ST6GALNAC5: variants seen among roughly 807,000 people sequenced by gnomAD.
ST6GALNAC5 encodes ST6 N-acetylgalactosaminide alpha-2,6-sialyltransferase 5.
Under a neutral mutation model 33.6 loss-of-function variants are expected in ST6GALNAC5, and 27 were observed. The observed-to-expected ratio is 0.80, with a 90% CI of 0.59 to 1.11. ST6GALNAC5 has a LOEUF of 1.11. Ranked by LOEUF, ST6GALNAC5 falls within the 50% of genes least tolerant of loss-of-function variation. The pLI is 0.00. For synonymous variants in ST6GALNAC5, 194 were observed against 171.2 expected (o/e 1.13, Z -1.04); for missense variants, 428 against 454.0 (o/e 0.94, Z 0.52).
rs181495043 is a variant in ST6GALNAC5 at position 77,049,405 on chromosome 1, T to A, written c.672-853T>A. Among the ~76,000 whole-genome samples the A allele has an allele frequency of 2.6e-5, 4 of 152,240 alleles. No homozygotes were observed. In the East Asian group the frequency reaches 7.7e-4, roughly 29 times the overall value. On this transcript the variant is annotated intron_variant, in intron 3 of 4. Transcript: ENST00000477717. ...AGTAAAAGCAGCAACCCCCGAAGAA[T>A]TGAAATTAATATCCACAGTAGTGTA...
At chr1:76,982,963 A>G (rs563983175) in intron 2 of ST6GALNAC5, among the ~76,000 whole-genome samples, 1 of 152,144 alleles carries the variant, frequency 6.6e-6, no homozygotes, top group Admixed American at 6.5e-5. Flanking sequence ...GCAAATGCTG[A>G]GAGATTTTGT....
intron 2 of ST6GALNAC5, among the ~76,000 whole-genome samples, chr1:76,964,095 T>A (rs1402964677): frequency 6.6e-6 from 1 of 152,152 alleles, no homozygotes; most frequent in Non-Finnish European, 1.5e-5. Context: ...CTGCCAACAC[T>A]TTGATCTTAG....
At chr1:77,013,279 T>C (rs1650709318) in intron 2 of ST6GALNAC5, among the ~76,000 whole-genome samples, 1 of 152,182 alleles carries the variant, frequency 6.6e-6, no homozygotes, top group Non-Finnish European at 1.5e-5. Context: ...TACTCTGTGA[T>C]TCTATGCACA....
chr1:77,058,711 G>A (rs1419906763), intron 4 of ST6GALNAC5, among the ~76,000 whole-genome samples: 1 of 152,232 alleles, frequency 6.6e-6, no homozygotes, highest in South Asian at 2.1e-4. Context: ...TCTTATAGGG[G>A]TGTTGTGAGG....
intron 2 of ST6GALNAC5, among the ~76,000 whole-genome samples, chr1:76,924,268 T>C (rs1647063768): frequency 6.6e-6 from 1 of 152,210 alleles, no homozygotes; most frequent in Non-Finnish European, 1.5e-5. Flanking sequence ...ATGCAGCACA[T>C]TGAAGAGATA....
At chr1:76,953,569 A>G (rs1248861024) in intron 2 of ST6GALNAC5, among the ~76,000 whole-genome samples, 2 of 151,900 alleles carry the variant, frequency 1.3e-5, no homozygotes, top group Non-Finnish European at 2.9e-5. Context: ...TATATTCGAG[A>G]TGTAAGAAAT....
intron 2 of ST6GALNAC5, among the ~76,000 whole-genome samples, chr1:76,981,418 C>T (rs1649247037): frequency 6.6e-6 from 1 of 152,184 alleles, no homozygotes; most frequent in African/African-American, 2.4e-5. Flanking sequence ...ATCTGCAAGG[C>T]TGCAGCGTGG....
intron 2 of ST6GALNAC5, among the ~76,000 whole-genome samples, chr1:76,890,401 C>A (rs1012017478): frequency 6.6e-6 from 1 of 152,098 alleles, no homozygotes; most frequent in African/African-American, 2.4e-5. Context: ...TTCAGGTCTT[C>A]CCTCATTGCT....
chr1:76,877,250 C>G (rs1653664204), intron 2 of ST6GALNAC5, among the ~76,000 whole-genome samples: 1 of 152,176 alleles, frequency 6.6e-6, no homozygotes, highest in South Asian at 2.1e-4. Context: ...GCCAAAGGCT[C>G]CAAATAGCAT....
chr1:76,889,814 T>A (rs931916734), intron 2 of ST6GALNAC5, among the ~76,000 whole-genome samples: 12 of 152,158 alleles, frequency 7.9e-5, no homozygotes, highest in African/African-American at 2.9e-4. Flanking sequence ...CTTAGTATTT[T>A]GTTTTAATAA....
chr1:76,999,493 T>A (rs1650060830), intron 2 of ST6GALNAC5, among the ~76,000 whole-genome samples: 2 of 152,016 alleles, frequency 1.3e-5, no homozygotes, highest in Non-Finnish European at 2.9e-5. Context: ...TTGTTTTTTT[T>A]TTTTCAATTA....
intron 2 of ST6GALNAC5, among the ~76,000 whole-genome samples, chr1:76,921,472 A>G (rs1647033964): frequency 6.6e-6 from 1 of 152,212 alleles, no homozygotes; most frequent in Non-Finnish European, 1.5e-5. Context: ...TCACAAAGTT[A>G]TAAAACAAGA....
At chr1:76,982,175 C>T (rs552340141) in intron 2 of ST6GALNAC5, among the ~76,000 whole-genome samples, 1 of 152,196 alleles carries the variant, frequency 6.6e-6, no homozygotes, top group African/African-American at 2.4e-5. Context: ...GATGAGTTGA[C>T]AGAAGTAGTC....
Position 77,055,684 on chromosome 1 carries a change from C to A in ST6GALNAC5, c.779+5319C>A, listed in dbSNP as rs190442511. On this transcript the variant is annotated intron_variant, in intron 4 of 4. Coordinates refer to ENST00000477717, the MANE Select transcript of ST6GALNAC5 (RefSeq NM_030965.3). The stretch of plus-strand genomic sequence containing the variant: ...TTCTTTCTCAGCTCTCCTTAGCCCC[C>A]TGTCTGAGTCAGACCTACTGGGCCC... Among the ~76,000 whole-genome samples the A allele has an allele frequency of 6.8e-3, 898 of 131,782 alleles. 9 individuals are homozygous for A. The highest frequency in any genetic ancestry group is 0.015 in the South Asian group (71 of 4,628). 86.5% of individuals were successfully genotyped at this position (131,782 alleles called of 152,430 possible). A position where few individuals can be genotyped will look rare whatever the true frequency, so the allele number is the denominator to read the frequency against.
rs933790452 is a variant in ST6GALNAC5 at position 76,918,104 on chromosome 1, A to T, written c.261+49362A>T. On this transcript the variant is annotated intron_variant, in intron 2 of 4. Transcript: ENST00000477717. ...AGTTAACTGTCCCACTAGGTAACAT[A>T]TGAAGAATTGTTTTAAAAAAAGTTA... Among the ~76,000 whole-genome samples the T allele has an allele frequency of 2.0e-5, 3 of 152,320 alleles. No homozygotes were observed. In the East Asian group the frequency reaches 5.8e-4, roughly 29 times the overall value.
intron 4 of ST6GALNAC5, among the ~76,000 whole-genome samples, chr1:77,055,075 A>G (rs911892554): frequency 3.3e-5 from 5 of 151,782 alleles, no homozygotes; most frequent in Non-Finnish European, 5.9e-5. Flanking sequence ...TCCTCTCCAA[A>G]CATGACTGCC....
At chr1:76,979,619 C>G (rs1649166918) in intron 2 of ST6GALNAC5, among the ~76,000 whole-genome samples, 1 of 152,144 alleles carries the variant, frequency 6.6e-6, no homozygotes, top group Non-Finnish European at 1.5e-5. Context: ...ATGCAAAAAT[C>G]AACTCAAATT....
At chr1:77,048,829 C>G (rs1446897568) in intron 3 of ST6GALNAC5, among the ~76,000 whole-genome samples, 1 of 152,156 alleles carries the variant, frequency 6.6e-6, no homozygotes, top group Non-Finnish European at 1.5e-5. Flanking sequence ...TCAAGTAGCC[C>G]AGGGGACAGA....
chr1:76,969,960 A>G (rs1648675505), intron 2 of ST6GALNAC5, among the ~76,000 whole-genome samples: 1 of 152,120 alleles, frequency 6.6e-6, no homozygotes, highest in Non-Finnish European at 1.5e-5. Flanking sequence ...GATGACTGTT[A>G]GAAGGAAAAT....
Sources: allele counts gnomAD v4.1 joint callset (sites outside exome capture counted in the v4.1 genomes callset), GRCh38; gene constraint gnomAD v4.1.1; transcripts MANE v1.5; gene names NCBI Gene and HGNC (gene_info 2026-07-23, HGNC 2026-07-21).